CA10: variants seen among roughly 807,000 people sequenced by gnomAD.
CA10 encodes carbonic anhydrase 10 (inactive).
Under a neutral mutation model 44.2 loss-of-function variants are expected in CA10, and 14 were observed. The ratio of observed to expected loss-of-function variants is 0.32; its 90% CI spans 0.21 to 0.50. The LOEUF (loss-of-function observed/expected upper bound fraction) is 0.50. Ranked by LOEUF, CA10 falls within the 20% of genes least tolerant of loss-of-function variation. The pLI, the probability that CA10 is intolerant of heterozygous loss-of-function variation, is 0.99. For synonymous variants in CA10, 159 were observed against 141.6 expected (o/e 1.12, Z -0.87); for missense variants, 350 against 409.7 (o/e 0.85, Z 1.26).
chr17:51,921,428 A>G (rs1306657784), intron 3 of CA10, among the ~76,000 whole-genome samples: 1 of 152,228 alleles, frequency 6.6e-6, no homozygotes, highest in African/African-American at 2.4e-5. Flanking sequence ...GCCTGCACAG[A>G]AAAGGTACAT....
chr17:51,741,594 A>G (rs1435252500), intron 4 of CA10, among the ~76,000 whole-genome samples: 2 of 152,292 alleles, frequency 1.3e-5, no homozygotes, highest in East Asian at 3.9e-4. Flanking sequence ...TGGGACACAA[A>G]TGGTTGACTG....
chr17:52,063,884 C>T (rs763301790), intron 2 of CA10, among the ~76,000 whole-genome samples: 1 of 152,196 alleles, frequency 6.6e-6, no homozygotes, highest in Non-Finnish European at 1.5e-5. Context: ...TACACACCCT[C>T]TAGTATGAGT....
chr17:51,979,384 G>A (rs1370536490), intron 2 of CA10, among the ~76,000 whole-genome samples: 2 of 151,912 alleles, frequency 1.3e-5, no homozygotes, highest in Non-Finnish European at 2.9e-5. Flanking sequence ...TTATTATATA[G>A]GTAAATTTGT....
At chr17:52,055,915 T>A (rs1987215043) in intron 2 of CA10, among the ~76,000 whole-genome samples, 1 of 152,110 alleles carries the variant, frequency 6.6e-6, no homozygotes, top group East Asian at 1.9e-4. Context: ...TGATATTAGC[T>A]ACACCCTGTG....
chr17:51,820,465 TTCTC>T (rs1907739844), intron 3 of CA10, among the ~76,000 whole-genome samples: 1 of 137,086 alleles, frequency 7.3e-6, no homozygotes, highest in Non-Finnish European at 1.5e-5. Context: ...TTTGAACCTG[TTCTC>T]TCTTTCTATC....
chr17:51,679,009 T>A (rs12452390), intron 4 of CA10, among the ~76,000 whole-genome samples: 2 of 152,172 alleles, frequency 1.3e-5, no homozygotes, highest in East Asian at 3.9e-4. Flanking sequence ...CATTCCTTCA[T>A]GTTCCAAAGC....
At chr17:51,985,105 TA>T (rs774404421) in intron 2 of CA10, among the ~76,000 whole-genome samples, 2 of 151,778 alleles carry the variant, frequency 1.3e-5, no homozygotes, top group Non-Finnish European at 2.9e-5. Flanking sequence ...ACACATATGT[TA>T]AAATCCTTAA....
At chr17:51,933,434 A>C (rs552764367) in intron 2 of CA10, among the ~76,000 whole-genome samples, 1 of 152,204 alleles carries the variant, frequency 6.6e-6, no homozygotes, top group African/African-American at 2.4e-5. Flanking sequence ...CAAGGAATGC[A>C]GGTGGCCTCT....
At chr17:51,652,961 C>T (rs1244587330) in intron 5 of CA10, among the ~76,000 whole-genome samples, 1 of 151,876 alleles carries the variant, frequency 6.6e-6, no homozygotes, top group Non-Finnish European at 1.5e-5. Context: ...ATTTGCATAC[C>T]TGCTTCTCTC....
intron 1 of CA10, among the ~76,000 whole-genome samples, chr17:52,111,424 A>C (rs1039988976): frequency 3.3e-5 from 5 of 152,194 alleles, no homozygotes; most frequent in Non-Finnish European, 5.9e-5. Flanking sequence ...CTTTTAAATA[A>C]TGTACTTTTT....
intron 3 of CA10, among the ~76,000 whole-genome samples, chr17:51,774,696 G>T (rs1023592495): frequency 6.6e-6 from 1 of 152,016 alleles, no homozygotes; most frequent in African/African-American, 2.4e-5. Context: ...CACCTGCCTT[G>T]GCCTCCTGAA....
intron 3 of CA10, among the ~76,000 whole-genome samples, chr17:51,867,696 G>A (rs1300856975): frequency 1.3e-5 from 2 of 152,170 alleles, no homozygotes; most frequent in Non-Finnish European, 2.9e-5. Flanking sequence ...ACCAGTCAGT[G>A]ATCTACTGAA....
intron 3 of CA10, among the ~76,000 whole-genome samples, chr17:51,783,915 G>T (rs1906154420): frequency 6.6e-6 from 1 of 152,098 alleles, no homozygotes; most frequent in Non-Finnish European, 1.5e-5. Context: ...GTAGGAGCAA[G>T]GCTGGAGAGC....
chr17:51,855,801 A>G (rs1380151930), intron 3 of CA10, among the ~76,000 whole-genome samples: 1 of 152,230 alleles, frequency 6.6e-6, no homozygotes, highest in Non-Finnish European at 1.5e-5. Context: ...GAATTCTTAA[A>G]ATGTCAAAAT....
In CA10 at chr17:51,630,706, T is replaced by A. The variant is rs77188516; in HGVS notation, c.*878A>T. 28 of 152,666 alleles carry A rather than the reference T, an allele frequency of 1.8e-4. No individual in the cohort carries two copies. The highest frequency in any genetic ancestry group is 6.7e-4 in the African/African-American group (28 of 41,572). The allele number at this position is 152,666 out of a possible 1,614,324, so 9.5% of individuals were successfully genotyped here. ...TGAAGGAACAAGTGAAATCAAAGAA[T>A]GCAGTTGCATGGAGCCAGGGCTTAG... On this transcript the variant is annotated 3_prime_UTR_variant, in exon 9 of 9. Coordinates refer to ENST00000451037, the MANE Select transcript of CA10 (RefSeq NM_020178.5).
At chr17:51,779,902 G>A (rs1343990964) in intron 3 of CA10, among the ~76,000 whole-genome samples, 4 of 152,146 alleles carry the variant, frequency 2.6e-5, no homozygotes, top group South Asian at 2.1e-4. Flanking sequence ...ATGATGGTGG[G>A]CACCTCAGCG....
chr17:51,687,367 C>T (rs1159322614), intron 4 of CA10, among the ~76,000 whole-genome samples: 1 of 152,148 alleles, frequency 6.6e-6, no homozygotes, highest in Non-Finnish European at 1.5e-5. Context: ...TGTTTGTTAC[C>T]TACAAGCCCT....
chr17:51,983,725 ACAAT>A (rs1175807026), intron 2 of CA10, among the ~76,000 whole-genome samples: 1 of 151,790 alleles, frequency 6.6e-6, no homozygotes, highest in Non-Finnish European at 1.5e-5. Flanking sequence ...GTTTCAGCAA[ACAAT>A]CAGCAACAAG....
chr17:51,761,950 C>G (rs1905226967), intron 3 of CA10: 1 of 152,130 alleles, frequency 6.6e-6, no homozygotes, highest in Admixed American at 6.5e-5. Context: ...CTGCATGCAT[C>G]CTTTCTAGAA....
Sources: gnomAD v4.1 joint callset for allele counts (sites outside exome capture counted in the v4.1 genomes callset) on GRCh38, gnomAD v4.1.1 for gene constraint, MANE v1.5 for transcripts, NCBI Gene and HGNC (gene_info 2026-07-23, HGNC 2026-07-21) for gene names.